The following TMEM132D variants were observed in gnomAD, a reference collection of about 807,000 sequenced individuals.
TMEM132D encodes the protein transmembrane protein 132D.
TMEM132D carries 21 observed loss-of-function variants against 62.3 expected under a neutral mutation model. That is an observed-to-expected ratio of 0.34 (90% CI 0.24 to 0.49). TMEM132D has a LOEUF of 0.49. TMEM132D is among the 20% of genes least tolerant of loss of function. The probability of loss-of-function intolerance (pLI) is 0.99; values close to 1 mark genes in which losing one functional copy is unlikely to be tolerated. For synonymous variants in TMEM132D, 621 were observed against 575.6 expected (o/e 1.08, Z -1.13); for missense variants, 1,346 against 1,402.8 (o/e 0.96, Z 0.65).
chr12:129,194,707 A>C (rs555013869), intron 5 of TMEM132D, among the ~76,000 whole-genome samples: 1 of 152,354 alleles, frequency 6.6e-6, no homozygotes, highest in African/African-American at 2.4e-5. Flanking sequence ...TCCAACAACC[A>C]GGGTATATTT....
intron 2 of TMEM132D, among the ~76,000 whole-genome samples, chr12:129,672,507 CAAACA>C (rs1410371333): frequency 2.6e-5 from 4 of 152,084 alleles, no homozygotes; most frequent in Non-Finnish European, 5.9e-5. Context: ...TACCTTGACC[CAAACA>C]AAGGGGAAGA....
chr12:129,543,179 GTGGA>G (rs1201790303), intron 2 of TMEM132D, among the ~76,000 whole-genome samples: 1 of 102,312 alleles, frequency 9.8e-6, no homozygotes, highest in African/African-American at 3.8e-5. Flanking sequence ...GGGTGGGTGG[GTGGA>G]TGGATGGATG....
At chr12:129,604,295 T>C (rs1417010382) in intron 2 of TMEM132D, among the ~76,000 whole-genome samples, 1 of 152,192 alleles carries the variant, frequency 6.6e-6, no homozygotes, top group Non-Finnish European at 1.5e-5. Context: ...GTTACAAACC[T>C]GCACGTTCAG....
At chr12:129,225,067 T>C (rs925808979) in intron 4 of TMEM132D, among the ~76,000 whole-genome samples, 4 of 152,320 alleles carry the variant, frequency 2.6e-5, no homozygotes, top group African/African-American at 9.6e-5. Context: ...TCTCAGTTCC[T>C]ATGCCTACTA....
At chr12:129,195,697 G>A (rs1236800929) in intron 5 of TMEM132D, among the ~76,000 whole-genome samples, 1 of 152,182 alleles carries the variant, frequency 6.6e-6, no homozygotes, top group East Asian at 1.9e-4. Flanking sequence ...TAATTGAAGT[G>A]ACTCTAATTG....
At chr12:129,848,887 A>C (rs1242801614) in intron 1 of TMEM132D, among the ~76,000 whole-genome samples, 1 of 151,962 alleles carries the variant, frequency 6.6e-6, no homozygotes, top group African/African-American at 2.4e-5. Context: ...TATCTGTCCT[A>C]CTCATCTTCC....
intron 4 of TMEM132D, among the ~76,000 whole-genome samples, chr12:129,261,459 C>T (rs1038598117): frequency 1.3e-5 from 2 of 152,194 alleles, no homozygotes; most frequent in African/African-American, 4.8e-5. Context: ...CTCATTTGCC[C>T]TCCGCCATGA....
intron 4 of TMEM132D, among the ~76,000 whole-genome samples, chr12:129,234,051 G>T (rs1222823610): frequency 1.3e-5 from 2 of 152,134 alleles, no homozygotes; most frequent in African/African-American, 4.8e-5. Context: ...AGTTAGATAT[G>T]TGCATAAACA....
rs117757539 is a variant in TMEM132D, at chr12:129,851,698, C to T, written c.79+51563G>A. ...CACTGCTTCCCTACAGCAGTGCATG[C>T]TGCACACTGCAAAACTCCAAGGGAG... On this transcript the variant is annotated intron_variant, in intron 1 of 8. Transcript: ENST00000422113. Among the ~76,000 whole-genome samples, 1,035 of 152,300 alleles carry T rather than the reference C, an allele frequency of 6.8e-3. 7 individuals are homozygous for T. The highest frequency in any genetic ancestry group is 0.01 in the Middle Eastern group (3 of 294).
chr12:129,748,610 GA>G (rs1378366641), intron 1 of TMEM132D, among the ~76,000 whole-genome samples: 6 of 152,190 alleles, frequency 3.9e-5, no homozygotes, highest in Admixed American at 1.3e-4. Context: ...TAGCTGGAAA[GA>G]AAGTTCTGGA....
intron 1 of TMEM132D, among the ~76,000 whole-genome samples, chr12:129,836,669 G>A (rs905865890): frequency 1.3e-5 from 2 of 151,890 alleles, no homozygotes; most frequent in South Asian, 2.1e-4. Flanking sequence ...TTCCTTCTAT[G>A]TGCATAAAAT....
intron 3 of TMEM132D, among the ~76,000 whole-genome samples, chr12:129,499,377 A>C (rs1363107993): frequency 6.6e-6 from 1 of 152,232 alleles, no homozygotes; most frequent in Non-Finnish European, 1.5e-5. Flanking sequence ...ACAGGATCAG[A>C]AATTAGTACA....
At chr12:129,107,591 A>T (rs573321419) in intron 5 of TMEM132D, among the ~76,000 whole-genome samples, 4 of 152,332 alleles carry the variant, frequency 2.6e-5, no homozygotes, top group African/African-American at 7.2e-5. Flanking sequence ...CCCTGAGTTT[A>T]CATTTGTGAA....
chr12:129,141,729 A>C (rs1409456250), intron 5 of TMEM132D, among the ~76,000 whole-genome samples: 1 of 152,158 alleles, frequency 6.6e-6, no homozygotes, highest in Non-Finnish European at 1.5e-5. Flanking sequence ...ACACATGGAC[A>C]CAAAGTTAGA....
At chr12:129,525,228 T>A (rs1234640275) in intron 3 of TMEM132D, among the ~76,000 whole-genome samples, 1 of 43,826 alleles carries the variant, frequency 2.3e-5, no homozygotes, top group African/African-American at 8.5e-5. Flanking sequence ...CCCAGCCGGT[T>A]TTTTTTTTTT....
chr12:129,231,754 AATGGTGACCCTAACT>A (rs1879647035), intron 4 of TMEM132D, among the ~76,000 whole-genome samples: 1 of 152,176 alleles, frequency 6.6e-6, no homozygotes, highest in Non-Finnish European at 1.5e-5. Flanking sequence ...AGCCAGCTGA[AATGGTGACCCTAACT>A]ATGGCCAACA....
chr12:129,334,462 G>T (rs941099413), intron 4 of TMEM132D, among the ~76,000 whole-genome samples: 1 of 151,368 alleles, frequency 6.6e-6, no homozygotes, highest in African/African-American at 2.5e-5. Flanking sequence ...TACCAACCAA[G>T]TCAAGGTTAA....
intron 7 of TMEM132D, 143 bp from the exon 8 acceptor site, chr12:129,078,868 C>T (rs1874361820): frequency 1.3e-6 from 1 of 758,486 alleles, no homozygotes; most frequent in Non-Finnish European, 2.1e-6. Context: ...TTCCCACTCA[C>T]ACCACCTTCT....
intron 2 of TMEM132D, among the ~76,000 whole-genome samples, chr12:129,592,434 A>G (rs1426289862): frequency 6.6e-6 from 1 of 152,216 alleles, no homozygotes; most frequent in East Asian, 1.9e-4. Flanking sequence ...GGATAATCCA[A>G]CTGGTCTATA....
Sources: gnomAD v4.1 joint callset for allele counts (sites outside exome capture counted in the v4.1 genomes callset) on GRCh38, gnomAD v4.1.1 for gene constraint, MANE v1.5 for transcripts, NCBI Gene and HGNC (gene_info 2026-07-23, HGNC 2026-07-21) for gene names.